Variants in GPR137 observed in about 807,000 individuals in gnomAD.
GPR137 encodes the protein integral membrane protein GPR137.
In GPR137, 20 loss-of-function variants were observed where a neutral mutation model predicts 38.9. That is an observed-to-expected ratio of 0.51 (90% CI 0.36 to 0.75). GPR137 has a LOEUF of 0.75. GPR137 is among the 30% of genes least tolerant of loss of function. The pLI, the probability that GPR137 is intolerant of heterozygous loss-of-function variation, is 0.00. For missense variants in GPR137, 456 were observed against 526.4 expected, an observed-to-expected ratio of 0.87 and a Z score of 1.31; for synonymous variants, 226 against 235.8, an observed-to-expected ratio of 0.96 and a Z score of 0.38.
At chr11:64,281,119 C>T (rs1463786759), upstream of GPR137, among the ~76,000 whole-genome samples, 8 of 152,224 alleles carry the variant, frequency 5.3e-5, no homozygotes, top group Non-Finnish European at 1.0e-4. Context: ...AGGCGCCCAC[C>T]ACCACGCCCA....
chr11:64,289,309 C>G lies in GPR137; in HGVS notation c.*113C>G. ...GGATCCTGGGGGTCGTGGCTACCCC[C>G]TCCTCTGGCCGGCTCCTTGCTGCTC... is the stretch of plus-strand genomic sequence containing the variant. On this transcript the variant is annotated 3_prime_UTR_variant, in exon 7 of 7. Coordinates refer to ENST00000438980, the MANE Select transcript of GPR137 (RefSeq NM_001170880.2). 1 of 1,612,262 alleles carries G rather than the reference C, an allele frequency of 6.2e-7. No homozygotes were observed. The highest frequency in any genetic ancestry group is 8.5e-7 in the Non-Finnish European group (1 of 1,179,250).
At chr11:64,282,958 G>A (rs1008072805), upstream of GPR137, among the ~76,000 whole-genome samples, 3 of 151,652 alleles carry the variant, frequency 2.0e-5, no homozygotes, top group Admixed American at 6.6e-5. Context: ...TCCCAGTTAC[G>A]TGGGAGGATC....
At chr11:64,276,290 G>T (rs11231736) in intron 1 of GPR137, 1 of 76,982 alleles carries the variant, frequency 1.3e-5, no homozygotes, top group Admixed American at 1.7e-4. Flanking sequence ...GTGTGTGTGT[G>T]TATATATTTG....
chr11:64,286,069 A>T lies in GPR137; in HGVS notation c.-456A>T. On this transcript the variant is annotated 5_prime_UTR_variant, in exon 1 of 7. Transcript: ENST00000438980. ...TATTGGAGGAGAGAGAGCCTCCCCCAGCTTGGGGAGGGGGAGAGCGGGGCA... is the reference window on the plus strand; with the variant it reads ...TATTGGAGGAGAGAGAGCCTCCCCCTGCTTGGGGAGGGGGAGAGCGGGGCA... The T allele has an allele frequency of 1.0e-6, 1 of 990,064 alleles. No homozygotes were observed. Among genetic ancestry groups the T allele is most frequent in the South Asian group, 4.6e-5 (1 of 21,554 alleles). 61.3% of individuals were successfully genotyped at this position (990,064 alleles called of 1,614,324 possible).
chr11:64,285,854 G>GCGGGAGCCGGGGAGCCGGAGCCC lies in GPR137; in HGVS notation c.-666_-644dup. 1 of 984,586 alleles carries GCGGGAGCCGGGGAGCCGGAGCCC rather than the reference G, an allele frequency of 1.0e-6. No homozygotes were observed. The highest frequency in any genetic ancestry group is 1.2e-6 in the Non-Finnish European group (1 of 829,188). The allele number at this position is 984,586 out of a possible 1,614,324, so 61.0% of individuals were successfully genotyped here. A position where few individuals can be genotyped will look rare whatever the true frequency, so the allele number is the denominator to read the frequency against. On this transcript the variant is annotated 5_prime_UTR_variant, in exon 1 of 7. Coordinates refer to ENST00000438980, the MANE Select transcript of GPR137 (RefSeq NM_001170880.2). ...CGCGGAGGGGGAGGGGGGCGGAGCA[G>GCGGGAGCCGGGGAGCCGGAGCCC]CGGGAGCCGGGGAGCCGGAGCCCCG...
Position 64,286,167 on chromosome 11 carries a change from G to C in GPR137, c.-358G>C. On this transcript the variant is annotated 5_prime_UTR_variant, in exon 1 of 7. Transcript: ENST00000438980. Reference sequence around the variant, plus strand: ...CCGGCTCTCCCCCTCCACCCAGGACGACATGAACGACCGAGGCCAGGGAGT... The same window carrying C: ...CCGGCTCTCCCCCTCCACCCAGGACCACATGAACGACCGAGGCCAGGGAGT... 1 of 1,050,152 alleles carries C rather than the reference G, an allele frequency of 9.5e-7. No individual in the cohort carries two copies. The highest frequency in any genetic ancestry group is 1.1e-6 in the Non-Finnish European group (1 of 871,740). The allele number at this position is 1,050,152 out of a possible 1,614,324, so 65.1% of individuals were successfully genotyped here.
chr11:64,271,381 TCACACACACA>T (rs58303026), upstream of GPR137, among the ~76,000 whole-genome samples: 1 of 60,202 alleles, frequency 1.7e-5, no homozygotes, highest in Non-Finnish European at 3.7e-5. Flanking sequence ...GCCCTGTGAC[TCACACACACA>T]CACACACACA....
exon 1 of GPR137, chr11:64,285,846 GCGGAGCAGCGGGAGCCGGGGAGC>G (rs1565356208): frequency 1.0e-5 from 10 of 984,686 alleles, no homozygotes; most frequent in African/African-American, 1.7e-5. Context: ...GGGGAGGGGG[GCGGAGCAGCGGGAGCCGGGGAGC>G]CGGAGCCCCG....
At chr11:64,277,097 C>T in intron 2 of GPR137, 1 of 670,782 alleles carries the variant, frequency 1.5e-6, no homozygotes, top group South Asian at 1.6e-5. Context: ...CACTTGCACA[C>T]TGAATTGCAC....
At position 64,286,816 on chromosome 11, in the gene GPR137, C is replaced by T; in HGVS notation, c.292C>T (p.Leu98Phe). The T allele has an allele frequency of 1.9e-6, 3 of 1,600,682 alleles. No individual in the cohort carries two copies. The highest frequency in any genetic ancestry group is 2.6e-6 in the Non-Finnish European group (3 of 1,171,554). ...CCTGGGGCCCTTGCCCTTCTGGCTT[C>T]TCTACTGCTGCCCCGTCTGCCTGCA... is the stretch of plus-strand genomic sequence containing the variant. ...NRLGPLPFWL[L>F]YCCPVCLQFF... Residue 98 changes from leucine to phenylalanine, a missense_variant, in exon 1 of 7, where the codon CTC becomes TTC. Transcript: ENST00000438980.
upstream of GPR137, chr11:64,271,800 G>C (rs1189380457): frequency 2.1e-6 from 3 of 1,402,632 alleles, no homozygotes; most frequent in East Asian, 8.3e-5. Context: ...CACAGCCCCA[G>C]CGCCTGCAGA....
rs765163272 is a variant in GPR137 at position 64,287,856 on chromosome 11, C to T, written c.543C>T (p.Ser181=). The change falls in exon 3 of 7, where the codon TCC becomes TCT. Residue 181 remains serine, a synonymous_variant. Transcript: ENST00000438980. ...LLLVRVLVSD[S]LFVICALSLA... ...TTGTCCGCGTCCTGGTGAGCGACTCCCTGTTCGTCATCTGCGCGCTGTCTC... is the reference window on the plus strand; with the variant it reads ...TTGTCCGCGTCCTGGTGAGCGACTCTCTGTTCGTCATCTGCGCGCTGTCTC... 1 of 1,605,260 alleles carries T rather than the reference C, an allele frequency of 6.2e-7. No individual in the cohort carries two copies. The highest frequency in any genetic ancestry group is 1.3e-5 in the African/African-American group (1 of 75,046).
upstream of GPR137, chr11:64,271,487 A>T (rs1035845915): frequency 8.0e-6 from 8 of 994,850 alleles, no homozygotes; most frequent in Non-Finnish European, 1.1e-5. Context: ...CTAGGAAGGA[A>T]CAGGACGGCT....
At position 64,286,982 on chromosome 11, in the gene GPR137, G is replaced by A; in HGVS notation, c.375G>A (p.Lys125=). Residue 125 remains lysine (K), a synonymous_variant, in exon 2 of 7, where the codon AAG becomes AAA. Coordinates refer to ENST00000438980, the MANE Select transcript of GPR137 (RefSeq NM_001170880.2). The part of the protein sequence containing the change: ...LYFAQVVFKA[K]VKRRPEMSRG... ...GCTCCTAGGTGGTGTTCAAGGCCAA[G>A]GTGAAGCGTCGGCCGGAGATGAGCC... 6.2e-7 allele frequency: 1 copy of A among 1,613,962 alleles called. No homozygotes were observed. The highest frequency in any genetic ancestry group is 8.5e-7 in the Non-Finnish European group (1 of 1,180,028).
rs779751479 is a variant in GPR137, at chr11:64,276,963, C to T, written c.-16+542C>T. 4.0e-6 allele frequency: 3 copies of T among 750,288 alleles called. No individual in the cohort carries two copies. The South Asian group carries it at 4.3e-5, about 11-fold the overall frequency. The allele number at this position is 750,288 out of a possible 1,614,324, so 46.5% of individuals were successfully genotyped here. A position where few individuals can be genotyped will look rare whatever the true frequency, so the allele number is the denominator to read the frequency against. On this transcript the variant is annotated intron_variant, in intron 2 of 2. Coordinates refer to the GPR137 transcript ENST00000538244. Reference sequence around the variant, plus strand: ...GAGTCAGCGGCTGGGGCGGACATCCCTGCTGATGCTTCCGCGAGCATCCCT... The same window carrying T: ...GAGTCAGCGGCTGGGGCGGACATCCTTGCTGATGCTTCCGCGAGCATCCCT...
chr11:64,285,911 A>G lies in GPR137; in HGVS notation c.-614A>G, dbSNP rs2033954885. ...CACGACCTGAGCCGGCTCTCCCATC[A>G]GCGGCCTGAGGACCTGGCGTCCGCC... On this transcript the variant is annotated 5_prime_UTR_variant, in exon 1 of 7. Coordinates refer to ENST00000438980, the MANE Select transcript of GPR137 (RefSeq NM_001170880.2). 1.0e-6 allele frequency: 1 copy of G among 968,640 alleles called. No homozygotes were observed. Among genetic ancestry groups the G allele is most frequent in the Non-Finnish European group, 1.2e-6 (1 of 814,920 alleles). The allele number at this position is 968,640 out of a possible 1,614,324, so 60.0% of individuals were successfully genotyped here.
Position 64,288,606 on chromosome 11 carries a change from A to T in GPR137, c.916A>T (p.Thr306Ser). Residue 306 changes from threonine (T) to serine (S), a missense_variant, in exon 6 of 7, where the codon ACC becomes TCC. Transcript: ENST00000438980. This position sits in a 1 kb window ranked among gnomAD's most constrained non-coding sequence, Gnocchi z 5.5. ...CGATGATGGCTTCCTCCCCCAGAGCACCAGCCACATCCTCAATGGGCAGGT... is the reference window on the plus strand; with the variant it reads ...CGATGATGGCTTCCTCCCCCAGAGCTCCAGCCACATCCTCAATGGGCAGGT... ...RVHRPPQDLS[T>S]SHILNGQVFA... The T allele has an allele frequency of 6.3e-7, 1 of 1,597,192 alleles. No individual in the cohort carries two copies. Among genetic ancestry groups the T allele is most frequent in the Middle Eastern group, 1.7e-4 (1 of 6,030 alleles).
rs758148093 is a variant in GPR137 at position 64,287,862 on chromosome 11, C to T, written c.549C>T (p.Phe183=). The part of the protein sequence containing the change: ...LVRVLVSDSL[F]VICALSLAAC... ...GCGTCCTGGTGAGCGACTCCCTGTT[C>T]GTCATCTGCGCGCTGTCTCTTGCTG... The change falls in exon 3 of 7, where the codon TTC becomes TTT. Residue 183 remains phenylalanine (F), a synonymous_variant. Coordinates refer to ENST00000438980, the MANE Select transcript of GPR137 (RefSeq NM_001170880.2). 2.5e-6 allele frequency: 4 copies of T among 1,604,758 alleles called. No homozygotes were observed. Among genetic ancestry groups the T allele is most frequent in the East Asian group, 2.2e-5 (1 of 44,884 alleles).
upstream of GPR137, among the ~76,000 whole-genome samples, chr11:64,280,587 G>A (rs1383934585): frequency 2.0e-5 from 3 of 150,826 alleles, no homozygotes; most frequent in Non-Finnish European, 3.0e-5. Flanking sequence ...TCCTGACCTC[G>A]TGATCCGCCC....
Sources: allele counts gnomAD v4.1 joint callset (sites outside exome capture counted in the v4.1 genomes callset), GRCh38; gene constraint gnomAD v4.1.1; non-coding constraint Gnocchi (gnomAD v3.1); transcripts MANE v1.5; gene names NCBI Gene and HGNC (gene_info 2026-07-23, HGNC 2026-07-21).